Variants in FGF12 observed in about 807,000 individuals in gnomAD.
FGF12 encodes fibroblast growth factor 12B.
A neutral mutation model predicts 23.6 loss-of-function variants in FGF12; 14 were observed. That is an observed-to-expected ratio of 0.59 (90% CI 0.39 to 0.93). The LOEUF (loss-of-function observed/expected upper bound fraction) is 0.93, where lower values mean the gene tolerates loss of function less well. Among genes scored for constraint, FGF12 ranks in the 40% least tolerant of loss-of-function variants. FGF12 has a pLI of 0.00. For synonymous variants in FGF12, 62 were observed against 77.3 expected, an observed-to-expected ratio of 0.80 and a Z score of 1.04; for missense variants, 175 against 217.8, an observed-to-expected ratio of 0.80 and a Z score of 1.24.
At chr3:192,222,734 C>A (rs1718539171) in intron 4 of FGF12, among the ~76,000 whole-genome samples, 1 of 152,090 alleles carries the variant, frequency 6.6e-6, no homozygotes. Flanking sequence ...TCAAGTTAAC[C>A]CGATACAACA....
At chr3:192,577,061 G>A (rs1203235579) in intron 2 of FGF12, among the ~76,000 whole-genome samples, 1 of 152,072 alleles carries the variant, frequency 6.6e-6, no homozygotes, top group African/African-American at 2.4e-5. Flanking sequence ...GTCGGCGGGT[G>A]GGGGACTAGG....
chr3:192,666,929 A>AGATAGATAGAT (rs1716896687), intron 2 of FGF12, among the ~76,000 whole-genome samples: 1 of 143,422 alleles, frequency 7.0e-6, no homozygotes, highest in East Asian at 2.6e-4. Context: ...ATAGATAGAT[A>AGATAGATAGAT]GATAGATAGA....
chr3:192,305,854 G>GTTTTTTTT (rs755560177), intron 4 of FGF12, among the ~76,000 whole-genome samples: 43 of 77,464 alleles, frequency 5.6e-4, no homozygotes, highest in East Asian at 1.4e-3. Flanking sequence ...CATCTCTCTG[G>GTTTTTTTT]TTTTTTTTTT....
chr3:192,697,847 A>G (rs1718172969), intron 2 of FGF12, among the ~76,000 whole-genome samples: 1 of 152,138 alleles, frequency 6.6e-6, no homozygotes, highest in South Asian at 2.1e-4. Flanking sequence ...CAAATAGACC[A>G]TTGTTTGCTC....
chr3:192,506,333 G>C (rs917270181), intron 2 of FGF12, among the ~76,000 whole-genome samples: 4 of 152,194 alleles, frequency 2.6e-5, no homozygotes, highest in African/African-American at 9.7e-5. Context: ...GTGGCAGTTA[G>C]AACATAGTTT....
At chr3:192,192,875 T>C (rs556079500) in intron 4 of FGF12, among the ~76,000 whole-genome samples, 17 of 152,348 alleles carry the variant, frequency 1.1e-4, no homozygotes, top group Non-Finnish European at 2.9e-5. Flanking sequence ...TGTTTGTTAT[T>C]TTAAGTAGGA....
chr3:192,690,123 C>T (rs1202267602), intron 2 of FGF12, among the ~76,000 whole-genome samples: 3 of 151,928 alleles, frequency 2.0e-5, no homozygotes, highest in African/African-American at 4.8e-5. Context: ...GAGTTCATCA[C>T]CACTGGAATT....
intron 2 of FGF12, among the ~76,000 whole-genome samples, chr3:192,658,445 T>C (rs1346527540): frequency 6.6e-6 from 1 of 152,220 alleles, no homozygotes; most frequent in South Asian, 2.1e-4. Context: ...ACTTCTGCCA[T>C]GACTTTCTGA....
intron 2 of FGF12, among the ~76,000 whole-genome samples, chr3:192,410,739 A>C (rs1016677664): frequency 1.3e-5 from 2 of 152,174 alleles, no homozygotes; most frequent in Non-Finnish European, 2.9e-5. Flanking sequence ...AGCAGCCTGC[A>C]CAGAGGATGA....
At chr3:192,586,391 A>G (rs1713375035) in intron 2 of FGF12, among the ~76,000 whole-genome samples, 1 of 152,182 alleles carries the variant, frequency 6.6e-6, no homozygotes, top group Non-Finnish European at 1.5e-5. Flanking sequence ...TTCCATATCT[A>G]TATATGGGCC....
chr3:192,327,122 A>C (rs1447011272), intron 4 of FGF12, among the ~76,000 whole-genome samples: 1 of 152,176 alleles, frequency 6.6e-6, no homozygotes, highest in East Asian at 1.9e-4. Flanking sequence ...CACCTCACTA[A>C]GCCTCAGCTC....
chr3:192,178,491 C>T (rs896479349), intron 4 of FGF12, among the ~76,000 whole-genome samples: 32 of 152,126 alleles, frequency 2.1e-4, no homozygotes, highest in African/African-American at 6.0e-4. Context: ...CACTTAAAAC[C>T]CCAAATCTAA....
intron 2 of FGF12, among the ~76,000 whole-genome samples, chr3:192,451,906 TAA>T (rs761757743): frequency 2.8e-4 from 43 of 152,342 alleles, no homozygotes; most frequent in Admixed American, 3.9e-4. Flanking sequence ...TGGTGATGCG[TAA>T]AGAGTTTTAG....
At chr3:192,699,340 A>C (rs992799072) in intron 2 of FGF12, among the ~76,000 whole-genome samples, 1 of 152,186 alleles carries the variant, frequency 6.6e-6, no homozygotes, top group Non-Finnish European at 1.5e-5. Context: ...ACACGATTTC[A>C]AGTCATAGAA....
intron 4 of FGF12, among the ~76,000 whole-genome samples, chr3:192,200,677 T>C (rs1016350917): frequency 6.6e-6 from 1 of 152,140 alleles, no homozygotes; most frequent in Admixed American, 6.5e-5. Flanking sequence ...TACCTTGCCA[T>C]GTGATCCTGG....
intron 5 of FGF12, among the ~76,000 whole-genome samples, chr3:192,146,088 C>CT (rs1254060374): frequency 6.6e-6 from 1 of 152,188 alleles, no homozygotes; most frequent in African/African-American, 2.4e-5. Context: ...CTTCCCAACT[C>CT]TGTCACCTAA....
chr3:192,162,469 G>T (rs1205843230), intron 5 of FGF12, among the ~76,000 whole-genome samples: 1 of 152,132 alleles, frequency 6.6e-6, no homozygotes, highest in Non-Finnish European at 1.5e-5. Context: ...GAAGAGGTAA[G>T]AGGGTTGTAT....
chr3:192,644,786 C>CTCA (rs937582250), intron 2 of FGF12, among the ~76,000 whole-genome samples: 2 of 152,120 alleles, frequency 1.3e-5, no homozygotes, highest in African/African-American at 4.8e-5. Context: ...CCTTCAAGGG[C>CTCA]TCATGTCTAG....
chr3:192,338,842 C>G (rs1022914954), intron 3 of FGF12, among the ~76,000 whole-genome samples: 23 of 152,130 alleles, frequency 1.5e-4, no homozygotes, highest in African/African-American at 5.3e-4. Context: ...GAACTAGATG[C>G]AAGGTACTTC....
Sources: gnomAD v4.1 joint callset for allele counts (sites outside exome capture counted in the v4.1 genomes callset) on GRCh38, gnomAD v4.1.1 for gene constraint, MANE v1.5 for transcripts, NCBI Gene and HGNC (gene_info 2026-07-23, HGNC 2026-07-21) for gene names.